Variants in FNDC8 observed in about 807,000 individuals in gnomAD.
FNDC8 encodes fibronectin type III domain containing 8.
In FNDC8, 23 loss-of-function variants were observed where a neutral mutation model predicts 24.8. That is an observed-to-expected ratio of 0.93 (90% CI 0.67 to 1.31). The LOEUF (loss-of-function observed/expected upper bound fraction) is 1.31, where lower values mean the gene tolerates loss of function less well. Among genes scored for constraint, FNDC8 ranks in the 40% most tolerant of loss-of-function variants. The pLI, the probability that FNDC8 is intolerant of heterozygous loss-of-function variation, is 0.00. For missense variants in FNDC8, 371 were observed against 398.2 expected, an observed-to-expected ratio of 0.93 and a Z score of 0.58; for synonymous variants, 158 against 165.3, an observed-to-expected ratio of 0.96 and a Z score of 0.34.
chr17:35,126,153 G>A (rs767446782), intron 1 of FNDC8, among the ~76,000 whole-genome samples: 4 of 151,758 alleles, frequency 2.6e-5, no homozygotes, highest in South Asian at 4.2e-4. Context: ...AACTCCTGAC[G>A]TCAGGTAATA....
intron 1 of FNDC8, among the ~76,000 whole-genome samples, chr17:35,126,073 A>G (rs1366497693): frequency 6.6e-6 from 1 of 152,090 alleles, no homozygotes; most frequent in Non-Finnish European, 1.5e-5. Flanking sequence ...GGCAACCGCC[A>G]CCATGCCCAG....
At position 35,129,537 on chromosome 17, in the gene FNDC8, T is replaced by C; in HGVS notation, c.701T>C (p.Ile234Thr). The change falls in exon 3 of 4, where the codon ATC becomes ACC. Residue 234 changes from isoleucine (I) to threonine (T), a missense_variant. Coordinates refer to ENST00000158009, the MANE Select transcript of FNDC8 (RefSeq NM_017559.4). ...CCCGAGGCAAAGAATCGTCCATGGA[T>C]CTTCAACAAGATTTTGGGCACTACT... Reference protein sequence around the residue: ...ELPEAKNRPWIFNKILGTTVK... With the variant: ...ELPEAKNRPWTFNKILGTTVK... 1 of 1,614,156 alleles carries C rather than the reference T, an allele frequency of 6.2e-7. No homozygotes were observed. Among genetic ancestry groups the C allele is most frequent in the South Asian group, 1.1e-5 (1 of 91,082 alleles).
At chr17:35,129,366 G>A in intron 2 of FNDC8, 56 bp from the exon 3 acceptor site, 3 of 1,581,698 alleles carry the variant, frequency 1.9e-6, no homozygotes, top group Non-Finnish European at 1.7e-6. Context: ...GGAGGGTGAA[G>A]GGACAGGAAG....
chr17:35,129,584 C>G lies in FNDC8; in HGVS notation c.748C>G (p.Pro250Ala). 1 of 1,614,190 alleles carries G rather than the reference C, an allele frequency of 6.2e-7. No individual in the cohort carries two copies. Among genetic ancestry groups the G allele is most frequent in the Non-Finnish European group, 8.5e-7 (1 of 1,180,032 alleles). ...GTTVKLMELK[P>A]NTCYCLSVRA... is the part of the protein sequence containing the mutation. ...TACTGTCAAGCTGATGGAGCTAAAG[C>G]CTAACACGTGTTACTGCCTCAGTGT... Residue 250 changes from proline (P) to alanine (A), a missense_variant, in exon 3 of 4, where the codon CCT (proline) becomes GCT (alanine). By Grantham distance (27) the Pro-to-Ala change is conservative. Coordinates refer to ENST00000158009, the MANE Select transcript of FNDC8 (RefSeq NM_017559.4).
At chr17:35,129,080 G>A (rs1036337025) in intron 2 of FNDC8, 3 of 231,386 alleles carry the variant, frequency 1.3e-5, no homozygotes, top group East Asian at 8.9e-5. Flanking sequence ...ATGAAGCTTC[G>A]CTTGCTCGCC....
chr17:35,126,896 T>G, intron 1 of FNDC8, 146 bp from the exon 2 acceptor site: 1 of 955,838 alleles, frequency 1.0e-6, no homozygotes, highest in Non-Finnish European at 1.5e-6. Flanking sequence ...GTGAGTCTAA[T>G]GCAATGCTAT....
intron 1 of FNDC8, 85 bp downstream of exon 1, chr17:35,121,987 C>CTT (rs60097491): frequency 7.4e-4 from 469 of 637,050 alleles, no homozygotes; most frequent in Non-Finnish European, 1.0e-3. Flanking sequence ...TCCTTCCTTC[C>CTT]TTTTTTTTTT....
chr17:35,129,132 C>T, intron 2 of FNDC8: 1 of 351,290 alleles, frequency 2.8e-6, no homozygotes, highest in South Asian at 4.0e-5. Context: ...CCTAACAGGC[C>T]ATGGACTGCT....
At chr17:35,121,977 T>TCCTCCCTTCCTTCCTC in intron 1 of FNDC8, 75 bp downstream of exon 1, 1 of 947,876 alleles carries the variant, frequency 1.1e-6, no homozygotes, top group Non-Finnish European at 1.5e-6. Flanking sequence ...CTCCCTTCCT[T>TCCTCCCTTCCTTCCTC]CCTTCCTTCC....
Position 35,121,624 on chromosome 17 carries a change from A to G in FNDC8, c.-70A>G. On this transcript the variant is annotated 5_prime_UTR_variant, in exon 1 of 4. Coordinates refer to ENST00000158009, the MANE Select transcript of FNDC8 (RefSeq NM_017559.4). ...AAACTAAAGGTGGGCCACTGCCCCC[A>G]CAGTTTCTCTCTGCTTCTGGTCAGC... The G allele has an allele frequency of 6.8e-7, 1 of 1,480,078 alleles. No individual in the cohort carries two copies. Among genetic ancestry groups the G allele is most frequent in the Non-Finnish European group, 9.4e-7 (1 of 1,062,738 alleles). 91.7% of individuals were successfully genotyped at this position (1,480,078 alleles called of 1,614,324 possible). A position where few individuals can be genotyped will look rare whatever the true frequency, so the allele number is the denominator to read the frequency against.
In FNDC8 at chr17:35,122,210, A is replaced by AAT. The variant is rs550722060; in HGVS notation, c.209+308_209+309insAT. Among the ~76,000 whole-genome samples the AAT allele has an allele frequency of 8.2e-3, 364 of 44,560 alleles. 29 individuals carry two copies. The highest frequency in any genetic ancestry group is 0.011 in the Non-Finnish European group (251 of 23,122). The allele number at this position is 44,560 out of a possible 152,430, so 29.2% of individuals were successfully genotyped here. Reference sequence around the variant, plus strand: ...TATATATATATATATATATATATAAATTTTTTTTTTTGGTAGAAACGGGGT... The same window carrying AAT: ...TATATATATATATATATATATATAAAATTTTTTTTTTTTGGTAGAAACGGGGT... On this transcript the variant is annotated intron_variant, in intron 1 of 3. Coordinates refer to ENST00000158009, the MANE Select transcript of FNDC8 (RefSeq NM_017559.4).
In FNDC8 at chr17:35,130,410, T is replaced by A; in HGVS notation, c.951T>A (p.Asp317Glu). Residue 317 changes from aspartate to glutamate, a missense_variant, in exon 4 of 4, where the codon GAT becomes GAA. Physicochemically the swap from Asp to Glu is conservative, Grantham distance 45. Coordinates refer to ENST00000158009, the MANE Select transcript of FNDC8 (RefSeq NM_017559.4). ...CGGAGGAGATGCGGAGGCTGGAGGA[T>A]CTGGAATACCTATTTCCCTGTTAAG... ...IGPEEMRRLE[D>E]LEYLFPC 1 of 1,613,972 alleles carries A rather than the reference T, an allele frequency of 6.2e-7. No homozygotes were observed. Among genetic ancestry groups the A allele is most frequent in the Non-Finnish European group, 8.5e-7 (1 of 1,179,972 alleles).
At chr17:35,123,089 C>T (rs967913759) in intron 1 of FNDC8, among the ~76,000 whole-genome samples, 2 of 152,172 alleles carry the variant, frequency 1.3e-5, no homozygotes, top group Admixed American at 6.5e-5. Flanking sequence ...GAGGGAATTA[C>T]TTGCAGGTCA....
At chr17:35,126,933 T>C in intron 1 of FNDC8, 109 bp from the exon 2 acceptor site, 1 of 1,392,396 alleles carries the variant, frequency 7.2e-7, no homozygotes, top group Non-Finnish European at 9.7e-7. Context: ...TCCAAGCTGT[T>C]TGCAAATGGC....
At chr17:35,128,037 GGGGAATGTTAGTCT>G (rs2091855938) in intron 2 of FNDC8, among the ~76,000 whole-genome samples, 1 of 152,360 alleles carries the variant, frequency 6.6e-6, no homozygotes, top group East Asian at 1.9e-4. Flanking sequence ...GGGACAGGAT[GGGGAATGTTAGTCT>G]GGGATCATCT....
At chr17:35,129,359 G>C (rs2091862239) in intron 2 of FNDC8, 63 bp from the exon 3 acceptor site, 2 of 1,573,512 alleles carry the variant, frequency 1.3e-6, no homozygotes, top group African/African-American at 1.3e-5. Flanking sequence ...CCAGTTGGGA[G>C]GGTGAAGGGA....
At chr17:35,125,687 TTACTG>T (rs1399053833) in intron 1 of FNDC8, among the ~76,000 whole-genome samples, 3 of 152,180 alleles carry the variant, frequency 2.0e-5, no homozygotes, top group South Asian at 2.1e-4. Flanking sequence ...AATTTAAACT[TTACTG>T]TACTCATTAC....
In FNDC8 at chr17:35,129,678, G is replaced by C. The variant is rs202177233; in HGVS notation, c.822+20G>C. Reference sequence around the variant, plus strand: ...TACAAAGTGAGCCCTGGGAAAAGAGGGGCCTTGGGGGTGGAGAGAAGTCCA... The same window carrying C: ...TACAAAGTGAGCCCTGGGAAAAGAGCGGCCTTGGGGGTGGAGAGAAGTCCA... On this transcript the variant is annotated intron_variant, in intron 3 of 3. Transcript: ENST00000158009. The C allele has an allele frequency of 1.1e-5, 18 of 1,609,218 alleles. No individual in the cohort carries two copies. Among genetic ancestry groups the C allele is most frequent in the Middle Eastern group, 1.9e-4 (1 of 5,368 alleles).
Position 35,130,443 on chromosome 17 carries a change from G to T in FNDC8, c.*9G>T. The T allele has an allele frequency of 6.2e-7, 1 of 1,612,106 alleles. No individual in the cohort carries two copies. On this transcript the variant is annotated 3_prime_UTR_variant, in exon 4 of 4. Coordinates refer to ENST00000158009, the MANE Select transcript of FNDC8 (RefSeq NM_017559.4). Reference sequence around the variant, plus strand: ...ACCTATTTCCCTGTTAAGGGGGAGGGCCCCAGGACACCCCTCACCTACTTT... The same window carrying T: ...ACCTATTTCCCTGTTAAGGGGGAGGTCCCCAGGACACCCCTCACCTACTTT...
Sources: allele counts gnomAD v4.1 joint callset (sites outside exome capture counted in the v4.1 genomes callset), GRCh38; gene constraint gnomAD v4.1.1; transcripts MANE v1.5; gene names NCBI Gene and HGNC (gene_info 2026-07-23, HGNC 2026-07-21).